Variants in DNAH6 observed in about 807,000 individuals in gnomAD.
DNAH6 encodes the protein axonemal beta dynein heavy chain 6.
A neutral mutation model predicts 491.4 loss-of-function variants in DNAH6; 340 were observed. The ratio of observed to expected loss-of-function variants is 0.69; its 90% CI spans 0.63 to 0.76. The LOEUF is 0.76. Ranked by LOEUF, DNAH6 falls within the 30% of genes least tolerant of loss-of-function variation. DNAH6 has a pLI of 0.00. For missense variants in DNAH6, 4,443 were observed against 4,972.2 expected (o/e 0.89, Z 3.20); for synonymous variants, 1,603 against 1,686.1 (o/e 0.95, Z 1.21).
chr2:84,494,813 C>T, the DNAH6 span, among the ~76,000 whole-genome samples: 1 of 152,178 alleles, frequency 6.6e-6, no homozygotes, highest in African/African-American at 2.4e-5. Context: ...ATTCTGTTCT[C>T]CATGGCAGCA....
intron 63 of DNAH6, among the ~76,000 whole-genome samples, chr2:84,746,269 T>G (rs1017398080): frequency 1.3e-5 from 2 of 151,956 alleles, no homozygotes; most frequent in Admixed American, 1.3e-4. Context: ...GAATAAGACA[T>G]AATAGAATAA....
intron 64 of DNAH6, among the ~76,000 whole-genome samples, chr2:84,773,992 A>G (rs6744591): frequency 9.9e-4 from 150 of 152,026 alleles, no homozygotes; most frequent in African/African-American, 3.4e-3. Context: ...TTTCAGATAC[A>G]TATTTTCTCC....
Position 84,634,581 on chromosome 2 carries a change from A to G in DNAH6, c.4593A>G (p.Ile1531Met), listed in dbSNP as rs754463363. The G allele has an allele frequency of 1.9e-6, 3 of 1,550,706 alleles. No homozygotes were observed. The South Asian group carries it at 3.6e-5, about 18-fold the overall frequency. ...TTGATGAATTTAATCGAATTGACATAGAAGTTCTGTCCGTCATCGCGCAGC... is the reference window on the plus strand; with the variant it reads ...TTGATGAATTTAATCGAATTGACATGGAAGTTCTGTCCGTCATCGCGCAGC... ...CCFDEFNRID[I>M]EVLSVIAQQL... is the part of the protein sequence containing the mutation. Residue 1531 changes from isoleucine to methionine, a missense_variant, in exon 30 of 77, where the codon ATA (isoleucine) becomes ATG (methionine). Physicochemically the swap from Ile to Met is conservative, Grantham distance 10. Around this residue, in one of 3 missense-constraint regions of DNAH6, gnomAD observed 2,977 missense variants for 3,296.6 expected, o/e 0.90. Transcript: ENST00000389394.
chr2:84,553,034 G>T lies in DNAH6; in HGVS notation c.1602G>T (p.Leu534=). ...TTGAGCCTTCTCTGGAAGACTTTCT[G>T]GTGTGTGTTTTTCATGTATTATCCA... ...LLFEPSLEDF[L]DGILGAVNHC... Residue 534 remains leucine, a splice_region_variant and synonymous_variant, in exon 10 of 77, where the codon CTG becomes CTT. Transcript: ENST00000389394. 1 of 1,567,544 alleles carries T rather than the reference G, an allele frequency of 6.4e-7. No homozygotes were observed.
intron 29 of DNAH6, among the ~76,000 whole-genome samples, chr2:84,629,561 C>T (rs1688197588): frequency 6.6e-6 from 1 of 152,172 alleles, no homozygotes; most frequent in African/African-American, 2.4e-5. Context: ...CATCTTTTCT[C>T]CATGTTCTCT....
At chr2:84,746,817 T>C (rs1673015371) in intron 63 of DNAH6, among the ~76,000 whole-genome samples, 1 of 152,140 alleles carries the variant, frequency 6.6e-6, no homozygotes, top group African/African-American at 2.4e-5. Flanking sequence ...TTTTCTTGGC[T>C]TCTGGTGAGG....
At chr2:84,702,769 C>T (rs538153239) in intron 49 of DNAH6, among the ~76,000 whole-genome samples, 198 of 152,146 alleles carry the variant, frequency 1.3e-3, no homozygotes, top group Non-Finnish European at 2.1e-3. Flanking sequence ...TCAATCTGAC[C>T]TCGTGATCCG....
chr2:84,488,480 C>T, the DNAH6 span, among the ~76,000 whole-genome samples: 1 of 152,036 alleles, frequency 6.6e-6, no homozygotes, highest in Non-Finnish European at 1.5e-5. Flanking sequence ...TGATGCATCC[C>T]TTCTGGAGGC....
intron 63 of DNAH6, among the ~76,000 whole-genome samples, chr2:84,745,473 G>A (rs991410034): frequency 6.6e-6 from 1 of 152,144 alleles, no homozygotes; most frequent in African/African-American, 2.4e-5. Context: ...CGACCATCGT[G>A]GCTAACACGG....
rs1467285242 is a variant in DNAH6 at position 84,758,443 on chromosome 2, T to TA, written c.10513-4311dup. On this transcript the variant is annotated intron_variant, in intron 63 of 76. Coordinates refer to ENST00000389394, the MANE Select transcript of DNAH6 (RefSeq NM_001370.2). The stretch of plus-strand genomic sequence containing the variant: ...TTCTATGAGGCCAGTATTATCCTGA[T>TA]ACCAAAACCAGATAAGGACACAACA... Among the ~76,000 whole-genome samples, 5 of 152,156 alleles carry TA rather than the reference T, an allele frequency of 3.3e-5. No individual in the cohort carries two copies. The South Asian group carries it at 8.3e-4, about 25-fold the overall frequency.
intron 32 of DNAH6, 56 bp from the exon 33 acceptor site, chr2:84,641,891 A>G: frequency 2.1e-6 from 3 of 1,425,150 alleles, no homozygotes; most frequent in Non-Finnish European, 2.9e-6. Flanking sequence ...GGTTTAGAAA[A>G]TCATGTTCAA....
intron 4 of DNAH6, among the ~76,000 whole-genome samples, chr2:84,542,712 C>T (rs1257607110): frequency 2.6e-5 from 4 of 152,140 alleles, no homozygotes; most frequent in African/African-American, 9.7e-5. Flanking sequence ...AAATTAAAAA[C>T]TAAAAATGAT....
chr2:84,542,723 T>A (rs1573555761), intron 4 of DNAH6, among the ~76,000 whole-genome samples: 2 of 152,208 alleles, frequency 1.3e-5, no homozygotes, highest in African/African-American at 2.4e-5. Context: ...TAAAAATGAT[T>A]TATACCAGTG....
chr2:84,810,315 T>A (rs1257297877), intron 72 of DNAH6, among the ~76,000 whole-genome samples: 1 of 152,258 alleles, frequency 6.6e-6, no homozygotes, highest in Admixed American at 6.5e-5. Flanking sequence ...ACATACTAAA[T>A]CTTCCGTGAA....
At chr2:84,528,527 G>A (rs140013857) in intron 3 of DNAH6, among the ~76,000 whole-genome samples, 2 of 152,086 alleles carry the variant, frequency 1.3e-5, no homozygotes, top group Admixed American at 1.3e-4. Context: ...CAGAACAGAG[G>A]GGGAGGTTGG....
At position 84,621,512 on chromosome 2, in the gene DNAH6, T is replaced by A; in HGVS notation, c.4032T>A (p.His1344Gln). The stretch of plus-strand genomic sequence containing the variant: ...GTCTGGAAACAGAACACAGTAATCA[T>A]ATACAGGCCCTGAAGAATTTTGAAA... ...TECLETEHSN[H>Q]IQALKNFEKV... The change falls in exon 26 of 77, where the codon CAT becomes CAA. Residue 1344 changes from histidine to glutamine, a missense_variant. By Grantham distance (24) the His-to-Gln change is conservative (BLOSUM62 0). Around this residue, in one of 3 missense-constraint regions of DNAH6, gnomAD observed 2,977 missense variants for 3,296.6 expected, o/e 0.90. Transcript: ENST00000389394. The A allele has an allele frequency of 6.5e-7, 1 of 1,529,584 alleles. No individual in the cohort carries two copies. Among genetic ancestry groups the A allele is most frequent in the Non-Finnish European group, 8.9e-7 (1 of 1,128,930 alleles). 94.8% of individuals were successfully genotyped at this position (1,529,584 alleles called of 1,614,324 possible). A position where few individuals can be genotyped will look rare whatever the true frequency, so the allele number is the denominator to read the frequency against.
intron 45 of DNAH6, among the ~76,000 whole-genome samples, chr2:84,689,690 G>A (rs1187820173): frequency 3.9e-5 from 6 of 152,164 alleles, no homozygotes; most frequent in African/African-American, 1.2e-4. Flanking sequence ...AGAAGAGGAC[G>A]GAGACCCTAT....
chr2:84,687,162 C>A (rs1694345387), intron 44 of DNAH6, among the ~76,000 whole-genome samples: 1 of 152,150 alleles, frequency 6.6e-6, no homozygotes, highest in Non-Finnish European at 1.5e-5. Flanking sequence ...CTAATTTTTA[C>A]CCTCTGGACC....
At chr2:84,813,894 G>A in intron 74 of DNAH6, 77 bp from the exon 75 acceptor site, 1 of 1,463,368 alleles carries the variant, frequency 6.8e-7, no homozygotes, top group Non-Finnish European at 9.3e-7. Context: ...AGGGCAGCCT[G>A]GTTTGGATGA....
Sources: gnomAD v4.1 joint callset for allele counts (sites outside exome capture counted in the v4.1 genomes callset) on GRCh38, gnomAD v4.1.1 for gene constraint, gnomAD v4.1.1 regional missense constraint, MANE v1.5 for transcripts, NCBI Gene and HGNC (gene_info 2026-07-23, HGNC 2026-07-21) for gene names.